The following CACNA2D1 variants were observed in gnomAD, a reference collection of about 807,000 sequenced individuals.
CACNA2D1 encodes calcium voltage-gated channel auxiliary subunit alpha2delta 1.
CACNA2D1 carries 53 observed loss-of-function variants against 171.5 expected under a neutral mutation model. The ratio of observed to expected loss-of-function variants is 0.31; its 90% CI spans 0.25 to 0.39. CACNA2D1 has a LOEUF of 0.39. Among genes scored for constraint, CACNA2D1 ranks in the 10% least tolerant of loss-of-function variants. CACNA2D1 has a pLI of 1.00. For missense variants in CACNA2D1, 903 were observed against 1,299.8 expected (o/e 0.69, Z 4.69); for synonymous variants, 442 against 443.1 (o/e 1.00, Z 0.03).
At chr7:82,007,598 A>G in intron 16 of CACNA2D1, 81 bp downstream of exon 16, 1 of 812,634 alleles carries the variant, frequency 1.2e-6, no homozygotes, top group Non-Finnish European at 2.1e-6. Context: ...GTATTTTCTT[A>G]TGGAAATATC....
At chr7:81,977,363 A>G (rs1795959636) in intron 24 of CACNA2D1, among the ~76,000 whole-genome samples, 1 of 152,100 alleles carries the variant, frequency 6.6e-6, no homozygotes, top group Admixed American at 6.6e-5. Context: ...GGCTACAGTA[A>G]CCAAAACAGC....
intron 5 of CACNA2D1, among the ~76,000 whole-genome samples, chr7:82,134,061 A>G (rs1461305620): frequency 6.6e-6 from 1 of 151,926 alleles, no homozygotes; most frequent in Non-Finnish European, 1.5e-5. Flanking sequence ...CGACAGAGCG[A>G]GAGTCTGTCT....
chr7:82,201,986 G>A lies in CACNA2D1; in HGVS notation c.295-31377C>T, dbSNP rs148844467. ...TGGACTAAGACAATGATACTGTCCT[G>A]TAAGGAAAACGGATGGGCCACGGTC... On this transcript the variant is annotated intron_variant, in intron 3 of 38. Coordinates refer to ENST00000356860, the MANE Select transcript of CACNA2D1 (RefSeq NM_000722.4). Among the ~76,000 whole-genome samples the A allele has an allele frequency of 1.5e-3, 227 of 152,314 alleles. 3 individuals are homozygous for A. Among genetic ancestry groups the A allele is most frequent in the African/African-American group, 5.2e-3 (218 of 41,574 alleles).
chr7:82,412,280 CTT>C (rs11419755), intron 1 of CACNA2D1, among the ~76,000 whole-genome samples: 17 of 124,804 alleles, frequency 1.4e-4, no homozygotes, highest in East Asian at 7.2e-4. Flanking sequence ...GTGCTTGTAA[CTT>C]TTTTTTTTTT....
At position 82,423,753 on chromosome 7, in the gene CACNA2D1, C is replaced by T. The variant is rs189093618; in HGVS notation, c.95+19612G>A. On this transcript the variant is annotated intron_variant, in intron 1 of 38. Coordinates refer to ENST00000356860, the MANE Select transcript of CACNA2D1 (RefSeq NM_000722.4). Reference sequence around the variant, plus strand: ...AAATCTTCTATTGTAGTTTTTGTAACGCCATTTTCAAACTGAAAACGGTAA... The same window carrying T: ...AAATCTTCTATTGTAGTTTTTGTAATGCCATTTTCAAACTGAAAACGGTAA... 4.9e-4 allele frequency among the ~76,000 whole-genome samples: 75 copies of T among 152,164 alleles called. No individual in the cohort carries two copies. The East Asian group carries it at 0.01, about 21-fold the overall frequency.
intron 18 of CACNA2D1, among the ~76,000 whole-genome samples, chr7:82,001,138 G>C (rs950429519): frequency 2.0e-5 from 3 of 152,042 alleles, no homozygotes; most frequent in African/African-American, 7.2e-5. Flanking sequence ...CTTTCGCAAT[G>C]AGTTTACCAG....
intron 7 of CACNA2D1, among the ~76,000 whole-genome samples, chr7:82,076,766 G>A (rs191152883): frequency 7.2e-5 from 11 of 152,178 alleles, no homozygotes; most frequent in Admixed American, 2.0e-4. Flanking sequence ...CATTCAAGGC[G>A]ACATATTCTA....
chr7:82,018,380 AC>A (rs1326035286), intron 12 of CACNA2D1, among the ~76,000 whole-genome samples: 1 of 152,182 alleles, frequency 6.6e-6, no homozygotes, highest in Non-Finnish European at 1.5e-5. Flanking sequence ...GTGTTATCCA[AC>A]ATATCAGTAA....
At chr7:82,121,178 A>G (rs1239342136) in intron 5 of CACNA2D1, among the ~76,000 whole-genome samples, 1 of 152,034 alleles carries the variant, frequency 6.6e-6, no homozygotes, top group Non-Finnish European at 1.5e-5. Context: ...CAGCCTCCAG[A>G]GCTGCTGGGA....
At chr7:82,352,349 T>A (rs1819942930) in intron 1 of CACNA2D1, among the ~76,000 whole-genome samples, 2 of 152,134 alleles carry the variant, frequency 1.3e-5, no homozygotes, top group African/African-American at 2.4e-5. Context: ...TGAGCAAAAA[T>A]TTTTTATCAA....
intron 10 of CACNA2D1, among the ~76,000 whole-genome samples, chr7:82,056,547 A>G (rs1171057563): frequency 6.6e-6 from 1 of 152,218 alleles, no homozygotes; most frequent in African/African-American, 2.4e-5. Flanking sequence ...GGAGCTTGAT[A>G]GTAGAGAGAG....
chr7:81,990,558 AC>A (rs1278466039), intron 21 of CACNA2D1, among the ~76,000 whole-genome samples: 1 of 152,084 alleles, frequency 6.6e-6, no homozygotes, highest in East Asian at 1.9e-4. Flanking sequence ...GAAAAAAAAA[AC>A]AGAATGAGTA....
intron 3 of CACNA2D1, among the ~76,000 whole-genome samples, chr7:82,314,975 CTTTT>C (rs35145517): frequency 7.5e-4 from 94 of 124,554 alleles, no homozygotes; most frequent in Non-Finnish European, 1.3e-3. Flanking sequence ...AGCATATTAT[CTTTT>C]TTTTTTTTTT....
chr7:82,286,467 C>T (rs560965524), intron 3 of CACNA2D1, among the ~76,000 whole-genome samples: 1 of 152,258 alleles, frequency 6.6e-6, no homozygotes, highest in South Asian at 2.1e-4. Context: ...GAAATGGACA[C>T]AAGGTTTATC....
intron 1 of CACNA2D1, among the ~76,000 whole-genome samples, chr7:82,382,061 G>A (rs969931956): frequency 2.6e-5 from 4 of 152,276 alleles, no homozygotes; most frequent in African/African-American, 4.8e-5. Context: ...GTGAATCTTC[G>A]TGACTTGAAG....
intron 3 of CACNA2D1, among the ~76,000 whole-genome samples, chr7:82,193,613 A>G (rs1798557948): frequency 6.6e-6 from 1 of 152,042 alleles, no homozygotes; most frequent in African/African-American, 2.4e-5. Context: ...AGTGAGTACA[A>G]AAAAGTTAAG....
chr7:82,375,205 C>T (rs916198825), intron 1 of CACNA2D1, among the ~76,000 whole-genome samples: 6 of 152,146 alleles, frequency 3.9e-5, no homozygotes, highest in Admixed American at 6.5e-5. Flanking sequence ...AACATACACA[C>T]GCATGCACAC....
At position 81,949,990 on chromosome 7, in the gene CACNA2D1, C is replaced by A. The variant is rs1792338286; in HGVS notation, c.*402G>T. On this transcript the variant is annotated 3_prime_UTR_variant, in exon 39 of 39. Coordinates refer to ENST00000356860, the MANE Select transcript of CACNA2D1 (RefSeq NM_000722.4). ...AAGTGAAGGCAAAAATAATTTCTTTCCCCTTAGAGATTTTCTTAGTAAAAT... is the reference window on the plus strand; with the variant it reads ...AAGTGAAGGCAAAAATAATTTCTTTACCCTTAGAGATTTTCTTAGTAAAAT... 5.9e-6 allele frequency: 1 copy of A among 168,720 alleles called. No individual in the cohort carries two copies. The highest frequency in any genetic ancestry group is 1.3e-5 in the Non-Finnish European group (1 of 78,542). 10.5% of individuals were successfully genotyped at this position (168,720 alleles called of 1,614,324 possible). A position where few individuals can be genotyped will look rare whatever the true frequency, so the allele number is the denominator to read the frequency against.
intron 3 of CACNA2D1, among the ~76,000 whole-genome samples, chr7:82,260,944 A>G (rs898302916): frequency 6.8e-6 from 1 of 146,222 alleles, no homozygotes; most frequent in Non-Finnish European, 1.5e-5. Flanking sequence ...TCCAAAATAC[A>G]TTGGACCACC....
Sources: gnomAD v4.1 joint callset for allele counts (sites outside exome capture counted in the v4.1 genomes callset) on GRCh38, gnomAD v4.1.1 for gene constraint, MANE v1.5 for transcripts, NCBI Gene and HGNC (gene_info 2026-07-23, HGNC 2026-07-21) for gene names.